THUMPD2: variants seen among roughly 807,000 people sequenced by gnomAD.
THUMPD2 encodes THUMP domain 2 tRNA and snRNA guanosine methyltransferase.
A neutral mutation model predicts 49.4 loss-of-function variants in THUMPD2; 56 were observed. The ratio of observed to expected loss-of-function variants is 1.13; its 90% confidence interval spans 0.91 to 1.41. THUMPD2 has a LOEUF of 1.41. THUMPD2 is among the 40% of genes most tolerant of loss of function. The probability of loss-of-function intolerance (pLI) is 0.00; values close to 1 mark genes in which losing one functional copy is unlikely to be tolerated. For synonymous variants in THUMPD2, 237 were observed against 205.2 expected (o/e 1.15, Z -1.32); for missense variants, 709 against 594.5 (o/e 1.19, Z -2.00).
At chr2:39,761,458 G>T in intron 5 of THUMPD2, 40 bp from the exon 6 acceptor site, 1 of 1,552,034 alleles carries the variant, frequency 6.4e-7, no homozygotes. Flanking sequence ...ATTACACATT[G>T]AACAACAAGA....
intron 8 of THUMPD2, among the ~76,000 whole-genome samples, chr2:39,747,342 C>T (rs1674739862): frequency 1.3e-5 from 2 of 152,042 alleles, no homozygotes. Context: ...GATTACTATT[C>T]TTTTTCTCAT....
At chr2:39,761,535 G>T in intron 5 of THUMPD2, 117 bp from the exon 6 acceptor site, 2 of 935,074 alleles carry the variant, frequency 2.1e-6, no homozygotes, top group Non-Finnish European at 3.2e-6. Context: ...ATACACTAAA[G>T]TATTCCCTAA....
rs566420631 is a variant in THUMPD2, at chr2:39,740,958, C to T, written c.1187+3412G>A. On this transcript the variant is annotated intron_variant, in intron 9 of 9. Coordinates refer to ENST00000505747, the MANE Select transcript of THUMPD2 (RefSeq NM_025264.5). ...AATTCCTGGCCTCAAGTGATCCTTC[C>T]ACCCCAGCATCTTGAGTTGCTGAGA... is the stretch of plus-strand genomic sequence containing the variant. Among the ~76,000 whole-genome samples the T allele has an allele frequency of 2.6e-5, 4 of 152,214 alleles. No homozygotes were observed. In the South Asian group the frequency reaches 8.3e-4, roughly 32 times the overall value.
At chr2:39,743,339 T>C (rs761794711) in intron 9 of THUMPD2, among the ~76,000 whole-genome samples, 1 of 152,316 alleles carries the variant, frequency 6.6e-6, no homozygotes, top group Non-Finnish European at 1.5e-5. Context: ...AAAATGCATA[T>C]CCATGACTCA....
At chr2:39,743,039 G>C (rs1674110351) in intron 9 of THUMPD2, among the ~76,000 whole-genome samples, 1 of 152,150 alleles carries the variant, frequency 6.6e-6, no homozygotes, top group Non-Finnish European at 1.5e-5. Flanking sequence ...AAAGAAGCAT[G>C]GGACACTCAG....
chr2:39,773,489 G>A (rs1312843874), intron 1 of THUMPD2, among the ~76,000 whole-genome samples: 2 of 147,290 alleles, frequency 1.4e-5, no homozygotes, highest in African/African-American at 4.9e-5. Flanking sequence ...CAAACATCAA[G>A]GGAAGCATTT....
chr2:39,746,851 G>A (rs1284751412), intron 8 of THUMPD2, among the ~76,000 whole-genome samples: 1 of 151,848 alleles, frequency 6.6e-6, no homozygotes, highest in African/African-American at 2.4e-5. Flanking sequence ...TTATAAAACT[G>A]AACATATCCT....
In THUMPD2 at chr2:39,770,012, T is replaced by C; in HGVS notation, c.370A>G (p.Lys124Glu). Residue 124 changes from lysine to glutamate, a missense_variant, in exon 3 of 10, where the codon AAA becomes GAA. Transcript: ENST00000505747. ...NLLELDAKKE[K>E]LSQRDDNQLK... is the part of the protein sequence containing the mutation. The stretch of plus-strand genomic sequence containing the variant: ...TGGTTATCATCTCTCTGAGAAAGTT[T>C]TTCCTTTTTTGCATCAAGTTCAAGA... 1 of 1,576,768 alleles carries C rather than the reference T, an allele frequency of 6.3e-7. No individual in the cohort carries two copies. Among genetic ancestry groups the C allele is most frequent in the Non-Finnish European group, 8.5e-7 (1 of 1,170,094 alleles).
intron 5 of THUMPD2, among the ~76,000 whole-genome samples, chr2:39,765,643 T>A (rs544917012): frequency 6.6e-6 from 1 of 152,166 alleles, no homozygotes; most frequent in Non-Finnish European, 1.5e-5. Context: ...AATATGTCCA[T>A]CTTTTCGTTT....
chr2:39,737,088 A>ATCTT (rs775651850), intron 9 of THUMPD2, 29 bp from the exon 10 acceptor site: 1 of 1,559,410 alleles, frequency 6.4e-7, no homozygotes, highest in Admixed American at 1.9e-5. Context: ...GGTAATTGCT[A>ATCTT]TCTTTCTCCT....
At chr2:39,751,384 C>CACTT (rs1234794965) in intron 8 of THUMPD2, among the ~76,000 whole-genome samples, 1 of 152,248 alleles carries the variant, frequency 6.6e-6, no homozygotes, top group African/African-American at 2.4e-5. Flanking sequence ...TATAAACCTA[C>CACTT]ACTTAAGTGA....
chr2:39,775,688 A>C (rs944444336), intron 1 of THUMPD2, among the ~76,000 whole-genome samples: 11 of 144,052 alleles, frequency 7.6e-5, no homozygotes, highest in Non-Finnish European at 1.5e-4. Flanking sequence ...GCTTGAACCC[A>C]GGAGGCGGAG....
chr2:39,775,013 C>G (rs1170856529), intron 1 of THUMPD2, among the ~76,000 whole-genome samples: 1 of 152,164 alleles, frequency 6.6e-6, no homozygotes, highest in Admixed American at 6.5e-5. Context: ...AATGTGGTAG[C>G]TCATGCCTAT....
chr2:39,736,736 T>C lies in THUMPD2; in HGVS notation c.1511A>G (p.Ter504TrpextTer52), dbSNP rs1451378502. 3 of 1,611,234 alleles carry C rather than the reference T, an allele frequency of 1.9e-6. No homozygotes were observed. The highest frequency in any genetic ancestry group is 2.5e-6 in the Non-Finnish European group (3 of 1,177,858). ...ACCCGGCTGATGGCAGCAAGCCTGC[T>C]ACAGTCCAGAAGAGTGCGACTTCTT... Reference protein sequence around the residue: ...KYKKSHSSGL* With the variant: ...KYKKSHSSGLW Residue 504 changes from the stop codon to tryptophan (W), a stop_lost, in exon 10 of 10, where the codon TAG becomes TGG. Transcript: ENST00000505747.
intron 9 of THUMPD2, among the ~76,000 whole-genome samples, chr2:39,740,014 T>C (rs1443367747): frequency 6.6e-6 from 1 of 152,214 alleles, no homozygotes; most frequent in Admixed American, 6.5e-5. Flanking sequence ...AATGGTGATA[T>C]AGCTAATATT....
chr2:39,775,691 A>C (rs1678987243), intron 1 of THUMPD2, among the ~76,000 whole-genome samples: 2 of 137,742 alleles, frequency 1.5e-5, no homozygotes, highest in South Asian at 4.9e-4. Context: ...TGAACCCAGG[A>C]GGCGGAGGTT....
chr2:39,748,099 A>T (rs1465487775), intron 8 of THUMPD2, among the ~76,000 whole-genome samples: 1 of 152,214 alleles, frequency 6.6e-6, no homozygotes, highest in African/African-American at 2.4e-5. Context: ...TGCCAGCTTT[A>T]ACAACTGTAA....
chr2:39,776,553 C>T (rs1186746733), intron 1 of THUMPD2, among the ~76,000 whole-genome samples: 1 of 151,894 alleles, frequency 6.6e-6, no homozygotes, highest in Non-Finnish European at 1.5e-5. Flanking sequence ...GCCACCACAC[C>T]TGGATTTTTG....
chr2:39,736,753 C>G lies in THUMPD2; in HGVS notation c.1494G>C (p.Ser498=). The G allele has an allele frequency of 1.9e-6, 3 of 1,613,738 alleles. No homozygotes were observed. The highest frequency in any genetic ancestry group is 2.5e-6 in the Non-Finnish European group (3 of 1,179,816). ...AAGCCTGCTACAGTCCAGAAGAGTG[C>G]GACTTCTTATATTTACATATGAACG... ...TDAFICKYKK[S]HSSGL is the part of the protein sequence containing the mutation. The change falls in exon 10 of 10, where the codon TCG becomes TCC. Residue 498 remains serine (S), a synonymous_variant. Transcript: ENST00000505747.
Sources: allele counts gnomAD v4.1 joint callset (sites outside exome capture counted in the v4.1 genomes callset), GRCh38; gene constraint gnomAD v4.1.1; transcripts MANE v1.5; gene names NCBI Gene and HGNC (gene_info 2026-07-23, HGNC 2026-07-21).